The following IRX2 variants were observed in gnomAD, a reference collection of about 807,000 sequenced individuals.
The protein encoded by IRX2 is iroquois-class homeodomain protein IRX-2.
In IRX2, 26 loss-of-function variants were observed where a neutral mutation model predicts 42.9. That is an observed-to-expected ratio of 0.61 (90% CI 0.44 to 0.84). The LOEUF (loss-of-function observed/expected upper bound fraction) is 0.84. Ranked by LOEUF, IRX2 falls within the 40% of genes least tolerant of loss-of-function variation. The probability of loss-of-function intolerance (pLI) is 0.00; values close to 1 mark genes in which losing one functional copy is unlikely to be tolerated. For synonymous variants in IRX2, 424 were observed against 353.9 expected, an observed-to-expected ratio of 1.20 and a Z score of -2.22; for missense variants, 782 against 713.9, an observed-to-expected ratio of 1.10 and a Z score of -1.09.
chr5:2,750,079 CT>C (rs1334956917), intron 1 of IRX2, among the ~76,000 whole-genome samples: 3 of 152,186 alleles, frequency 2.0e-5, no homozygotes, highest in African/African-American at 4.8e-5. Context: ...TACACAAACC[CT>C]TGCACGTGCG....
At chr5:2,743,522 G>T (rs1447683964), downstream of IRX2, among the ~76,000 whole-genome samples, 2 of 152,102 alleles carry the variant, frequency 1.3e-5, no homozygotes, top group Non-Finnish European at 2.9e-5. Flanking sequence ...TCCACCACGC[G>T]GGCGCCGGGC....
downstream of IRX2, among the ~76,000 whole-genome samples, chr5:2,743,691 A>C (rs1737595201): frequency 6.6e-6 from 1 of 152,242 alleles, no homozygotes; most frequent in Admixed American, 6.5e-5. Flanking sequence ...ATTTTTGACT[A>C]TGAAAATTTT....
rs956768612 is a variant in IRX2 at position 2,748,049 on chromosome 5, T to G, written c.1363+296A>C. Among the ~76,000 whole-genome samples, 5 of 152,332 alleles carry G rather than the reference T, an allele frequency of 3.3e-5. No individual in the cohort carries two copies. The East Asian group carries it at 5.8e-4, about 18-fold the overall frequency. Reference sequence around the variant, plus strand: ...ACCCAGGCTCATTAGGGCGACACGCTGTAATTTGAATTTCGTGGCAATCTG... The same window carrying G: ...ACCCAGGCTCATTAGGGCGACACGCGGTAATTTGAATTTCGTGGCAATCTG... On this transcript the variant is annotated intron_variant, in intron 3 of 3. Transcript: ENST00000302057.
the IRX2 span, among the ~76,000 whole-genome samples, chr5:2,735,646 T>A: frequency 6.6e-6 from 1 of 152,344 alleles, no homozygotes; most frequent in East Asian, 1.9e-4. Flanking sequence ...AACAAAATAT[T>A]TTTTAAAAAA....
At chr5:2,743,380 G>A (rs1411033876), downstream of IRX2, among the ~76,000 whole-genome samples, 1 of 152,192 alleles carries the variant, frequency 6.6e-6, no homozygotes, top group East Asian at 1.9e-4. Flanking sequence ...GCCCGCGCCG[G>A]CCGCCGGGCA....
At position 2,751,018 on chromosome 5, in the gene IRX2, G is replaced by A; in HGVS notation, c.249+147C>T. 1.0e-6 allele frequency: 1 copy of A among 954,106 alleles called. No individual in the cohort carries two copies. Among genetic ancestry groups the A allele is most frequent in the Non-Finnish European group, 1.3e-6 (1 of 755,590 alleles). 59.1% of individuals were successfully genotyped at this position (954,106 alleles called of 1,614,324 possible). On this transcript the variant is annotated intron_variant, in intron 1 of 3. Transcript: ENST00000302057. This position sits in a 1 kb window ranked among gnomAD's most constrained non-coding sequence, Gnocchi z 4.0. Reference sequence around the variant, plus strand: ...ACCCGGGGCCCGGCTCAGCCTGCGGGGCGGCCAACCGAGCCGGCGACTCCT... The same window carrying A: ...ACCCGGGGCCCGGCTCAGCCTGCGGAGCGGCCAACCGAGCCGGCGACTCCT...
the IRX2 span, among the ~76,000 whole-genome samples, chr5:2,740,245 T>C: frequency 6.6e-6 from 1 of 151,820 alleles, no homozygotes; most frequent in Non-Finnish European, 1.5e-5. Flanking sequence ...TCCCTGGCCG[T>C]CGCTGCCTCC....
downstream of IRX2, among the ~76,000 whole-genome samples, chr5:2,743,984 C>T (rs1737601662): frequency 6.6e-6 from 1 of 152,012 alleles, no homozygotes; most frequent in African/African-American, 2.4e-5. Context: ...ATATAAACAT[C>T]AAAGAAGCTT....
chr5:2,749,432 T>C lies in IRX2; in HGVS notation c.605A>G (p.Glu202Gly). The C allele has an allele frequency of 1.2e-6, 2 of 1,614,130 alleles. No homozygotes were observed. The highest frequency in any genetic ancestry group is 1.1e-5 in the South Asian group (1 of 91,072). Residue 202 changes from glutamate (E) to glycine (G), a missense_variant, in exon 2 of 4, where the codon GAG becomes GGG. Transcript: ENST00000302057. ...DEGDATRSKD[E>G]SPDKAQEGTE... ...GCCCTCCTGCGCCTTGTCGGGACTC[T>C]CGTCCTTGCTTCTGGTAGCGTCGCC...
the IRX2 span, among the ~76,000 whole-genome samples, chr5:2,738,005 C>T: frequency 6.6e-6 from 1 of 152,238 alleles, no homozygotes; most frequent in South Asian, 2.1e-4. Context: ...CCACTCCTCC[C>T]GGCCTTGTTT....
At chr5:2,738,097 G>A in the IRX2 span, among the ~76,000 whole-genome samples, 9 of 152,222 alleles carry the variant, frequency 5.9e-5, no homozygotes, top group Non-Finnish European at 1.3e-4. Context: ...TCAGTAAATT[G>A]TTTAAAATAT....
downstream of IRX2, among the ~76,000 whole-genome samples, chr5:2,743,410 C>A (rs1205743916): frequency 1.3e-5 from 2 of 152,194 alleles, no homozygotes; most frequent in Non-Finnish European, 2.9e-5. Flanking sequence ...GTGCTCTCGG[C>A]AGCCCCCGGC....
chr5:2,746,782 C>T lies in IRX2; in HGVS notation c.*782G>A, dbSNP rs1481266128. On this transcript the variant is annotated 3_prime_UTR_variant, in exon 4 of 4. Coordinates refer to ENST00000302057, the MANE Select transcript of IRX2 (RefSeq NM_033267.5). The stretch of plus-strand genomic sequence containing the variant: ...TTTTTTTTTCAAAGCAATTGTGACA[C>T]CTACCTGTGGACCAAGGAAAAAACC... 1 of 143,650 alleles carries T rather than the reference C, an allele frequency of 7.0e-6. No individual in the cohort carries two copies. The highest frequency in any genetic ancestry group is 2.6e-5 in the African/African-American group (1 of 38,506). 8.9% of individuals were successfully genotyped at this position (143,650 alleles called of 1,614,324 possible).
At chr5:2,750,803 G>C (rs1737926254) in intron 1 of IRX2, among the ~76,000 whole-genome samples, 1 of 152,220 alleles carries the variant, frequency 6.6e-6, no homozygotes, top group South Asian at 2.1e-4. Context: ...CGAGCACACA[G>C]CCCGCTCCGA....
rs1350495604 is a variant in IRX2, at chr5:2,747,263, G to A, written c.*301C>T. ...ATACACATGTACTATATATATACAT[G>A]TACTATATATATACATATATATATT... On this transcript the variant is annotated 3_prime_UTR_variant, in exon 4 of 4. Coordinates refer to ENST00000302057, the MANE Select transcript of IRX2 (RefSeq NM_033267.5). 2 of 183,482 alleles carry A rather than the reference G, an allele frequency of 1.1e-5. No individual in the cohort carries two copies. Among genetic ancestry groups the A allele is most frequent in the Non-Finnish European group, 1.1e-5 (1 of 89,256 alleles). 11.4% of individuals were successfully genotyped at this position (183,482 alleles called of 1,614,324 possible). A position where few individuals can be genotyped will look rare whatever the true frequency, so the allele number is the denominator to read the frequency against.
At chr5:2,738,898 A>G in the IRX2 span, among the ~76,000 whole-genome samples, 1 of 152,174 alleles carries the variant, frequency 6.6e-6, no homozygotes, top group Non-Finnish European at 1.5e-5. Flanking sequence ...GGGGAGAGGA[A>G]GGAGCGAGGT....
At chr5:2,744,956 C>G (rs1169240328), downstream of IRX2, among the ~76,000 whole-genome samples, 1 of 152,110 alleles carries the variant, frequency 6.6e-6, no homozygotes, top group Non-Finnish European at 1.5e-5. Flanking sequence ...TTTCAAATAC[C>G]CTTTCTAACA....
In IRX2 at chr5:2,749,507, T is replaced by C. The variant is rs142318376; in HGVS notation, c.530A>G (p.Lys177Arg). 2.8e-4 allele frequency: 456 copies of C among 1,614,082 alleles called. 1 individual carries two copies. The highest frequency in any genetic ancestry group is 3.5e-4 in the Non-Finnish European group (418 of 1,180,038). Residue 177 changes from lysine (K) to arginine (R), a missense_variant, in exon 2 of 4, where the codon AAG becomes AGG. Physicochemically the swap from Lys to Arg is conservative, Grantham distance 26 (BLOSUM62 2). Transcript: ENST00000302057. ...TTTGTTTCTCGGGGCCCAGGTCATC[T>C]TGTTCTCCTTCTTGAGGCGCCGGCG... ...NARRRLKKEN[K>R]MTWAPRNKSE... is the part of the protein sequence containing the mutation.
intron 1 of IRX2, among the ~76,000 whole-genome samples, chr5:2,750,872 G>A (rs1737930321): frequency 6.6e-6 from 1 of 152,164 alleles, no homozygotes; most frequent in Non-Finnish European, 1.5e-5. Flanking sequence ...CCCCGGCCCC[G>A]GCGGAGACGC....
Sources: gnomAD v4.1 joint callset for allele counts (sites outside exome capture counted in the v4.1 genomes callset) on GRCh38, gnomAD v4.1.1 for gene constraint, Gnocchi (gnomAD v3.1) non-coding constraint, MANE v1.5 for transcripts, NCBI Gene and HGNC (gene_info 2026-07-23, HGNC 2026-07-21) for gene names.